TAX1BP1: variants seen among roughly 807,000 people sequenced by gnomAD.
The protein encoded by TAX1BP1 is Tax1 binding protein 1.
In TAX1BP1, 62 loss-of-function variants were observed where a neutral mutation model predicts 97.7. The observed-to-expected ratio is 0.63, with a 90% CI of 0.52 to 0.78. TAX1BP1 has a LOEUF of 0.78. Ranked by LOEUF, TAX1BP1 falls within the 30% of genes least tolerant of loss-of-function variation. TAX1BP1 has a pLI of 0.00. For missense variants in TAX1BP1, 867 were observed against 916.1 expected (o/e 0.95, Z 0.69); for synonymous variants, 340 against 304.2 (o/e 1.12, Z -1.23).
chr7:27,799,965 G>C lies in TAX1BP1; in HGVS notation c.1639G>C (p.Asp547His). Reference protein sequence around the residue: ...KYNKCKQLLQDEKAKCNKYAD... With the variant: ...KYNKCKQLLQHEKAKCNKYAD... ...TGGTAATTATACTAATTTCATTTAGGATGAGAAAGCAAAATGCAATAAATA... is the reference window on the plus strand; with the variant it reads ...TGGTAATTATACTAATTTCATTTAGCATGAGAAAGCAAAATGCAATAAATA... Residue 547 changes from aspartate to histidine, a missense_variant and splice_region_variant, in exon 13 of 17, where the codon GAT becomes CAT. By Grantham distance (81) the Asp-to-His change is moderately conservative (BLOSUM62 -1). Transcript: ENST00000396319. 1.3e-6 allele frequency: 2 copies of C among 1,590,314 alleles called. No homozygotes were observed. Among genetic ancestry groups the C allele is most frequent in the South Asian group, 1.2e-5 (1 of 85,962 alleles).
At chr7:27,805,042 C>T (rs6462051) in intron 13 of TAX1BP1, among the ~76,000 whole-genome samples, 30,540 of 152,038 alleles carry the variant, frequency 0.2, 3,205 homozygotes, top group Admixed American at 0.26. Context: ...TTCCTAGAAG[C>T]GTGATTGCTG....
At chr7:27,766,266 A>G (rs964493053) in intron 4 of TAX1BP1, among the ~76,000 whole-genome samples, 4 of 151,896 alleles carry the variant, frequency 2.6e-5, no homozygotes, top group Admixed American at 1.3e-4. Flanking sequence ...TAAGAATACA[A>G]AAAATTAGAC....
chr7:27,809,145 AGTG>A (rs34063335), intron 13 of TAX1BP1, among the ~76,000 whole-genome samples: 12,517 of 152,248 alleles, frequency 0.082, 654 homozygotes, highest in South Asian at 0.12. Flanking sequence ...GTAATTTTGA[AGTG>A]GTGATCAATA....
intron 5 of TAX1BP1, among the ~76,000 whole-genome samples, chr7:27,782,341 A>G (rs1789292933): frequency 1.3e-5 from 2 of 151,962 alleles, no homozygotes; most frequent in South Asian, 2.1e-4. Flanking sequence ...TGTTCAAGCA[A>G]TTCTCCTGCT....
rs1452947430 is a variant in TAX1BP1, at chr7:27,787,593, C to T, written c.1028C>T (p.Thr343Ile). ...CTGCAAAGAACTTTCCTGCTTACAA[C>T]CTCAAGTAAAGTAAGTACTTTTGCT... The part of the protein sequence containing the change: ...ENLQRTFLLT[T>I]SSKEDTCFLK... The change falls in exon 8 of 17, where the codon ACC becomes ATC. Residue 343 changes from threonine to isoleucine, a missense_variant. Coordinates refer to ENST00000396319, the MANE Select transcript of TAX1BP1 (RefSeq NM_006024.7). 4 of 1,606,908 alleles carry T rather than the reference C, an allele frequency of 2.5e-6. No homozygotes were observed. Among genetic ancestry groups the T allele is most frequent in the Non-Finnish European group, 2.5e-6 (3 of 1,177,382 alleles).
At chr7:27,779,801 C>T (rs1789184260) in intron 5 of TAX1BP1, among the ~76,000 whole-genome samples, 1 of 152,144 alleles carries the variant, frequency 6.6e-6, no homozygotes, top group South Asian at 2.1e-4. Flanking sequence ...CCTTTTATAT[C>T]ATTCCACTGC....
At chr7:27,825,920 A>G (rs1170012603) in intron 15 of TAX1BP1, among the ~76,000 whole-genome samples, 1 of 152,162 alleles carries the variant, frequency 6.6e-6, no homozygotes, top group East Asian at 1.9e-4. Flanking sequence ...GCCCCATTTT[A>G]TCTTTTCCAA....
chr7:27,790,360 A>C (rs1490914723), intron 8 of TAX1BP1, among the ~76,000 whole-genome samples: 3 of 151,980 alleles, frequency 2.0e-5, no homozygotes, highest in Non-Finnish European at 4.4e-5. Context: ...TCCTTATAGC[A>C]ATATGTAGGC....
Position 27,792,071 on chromosome 7 carries a change from A to G in TAX1BP1, c.1104A>G (p.Gln368=). 6.2e-7 allele frequency: 1 copy of G among 1,614,166 alleles called. No homozygotes were observed. Among genetic ancestry groups the G allele is most frequent in the Non-Finnish European group, 8.5e-7 (1 of 1,180,036 alleles). Residue 368 remains glutamine (Q), a synonymous_variant, in exon 9 of 17, where the codon CAA becomes CAG. Transcript: ENST00000396319. ...KAEEQVQATR[Q]EVVFLAKELS... is the part of the protein sequence containing the mutation. ...AGGAACAGGTTCAGGCAACTCGGCA[A>G]GAAGTTGTCTTTCTGGCTAAAGAAC...
chr7:27,793,160 T>G lies in TAX1BP1; in HGVS notation c.1358T>G (p.Phe453Cys). 3.8e-6 allele frequency: 6 copies of G among 1,595,576 alleles called. No homozygotes were observed. Among genetic ancestry groups the G allele is most frequent in the Non-Finnish European group, 5.1e-6 (6 of 1,175,966 alleles). ...GCTGCAGACCATTATAAAGAAAAAT[T>G]TAAGGAATGCCAAAGGCTCCAAAAA... ...QMAADHYKEK[F>C]KECQRLQKQI... The change falls in exon 10 of 17, where the codon TTT becomes TGT. Residue 453 changes from phenylalanine (F) to cysteine (C), a missense_variant. Coordinates refer to ENST00000396319, the MANE Select transcript of TAX1BP1 (RefSeq NM_006024.7).
intron 1 of TAX1BP1, among the ~76,000 whole-genome samples, chr7:27,741,558 T>C (rs1359912043): frequency 6.6e-6 from 1 of 151,166 alleles, no homozygotes; most frequent in Non-Finnish European, 1.5e-5. Context: ...TGGAGTGCAG[T>C]GGCGCGATCG....
intron 5 of TAX1BP1, among the ~76,000 whole-genome samples, chr7:27,781,311 C>T (rs1191719850): frequency 1.3e-5 from 2 of 152,122 alleles, no homozygotes; most frequent in African/African-American, 4.8e-5. Flanking sequence ...AGATGATTTC[C>T]TCTTTGTGCA....
chr7:27,781,252 A>G (rs1453519524), intron 5 of TAX1BP1, among the ~76,000 whole-genome samples: 1 of 152,206 alleles, frequency 6.6e-6, no homozygotes, highest in African/African-American at 2.4e-5. Flanking sequence ...TTTTTACTAT[A>G]GTCATGCACC....
Position 27,769,757 on chromosome 7 carries a change from C to A in TAX1BP1, c.535C>A (p.Arg179=). The change falls in exon 5 of 17, where the codon CGA becomes AGA. Residue 179 remains arginine (R), a synonymous_variant. Transcript: ENST00000396319. ...TCTGGAAAAAGAAACAGCACAACTTCGAGAACAAGTTGGGAGAATGGAAAG... is the reference window on the plus strand; with the variant it reads ...TCTGGAAAAAGAAACAGCACAACTTAGAGAACAAGTTGGGAGAATGGAAAG... ...AVLEKETAQL[R]EQVGRMEREL... The A allele has an allele frequency of 6.2e-7, 1 of 1,612,302 alleles. No individual in the cohort carries two copies. The highest frequency in any genetic ancestry group is 8.5e-7 in the Non-Finnish European group (1 of 1,178,908).
At chr7:27,788,262 A>T (rs962955990) in intron 8 of TAX1BP1, among the ~76,000 whole-genome samples, 3 of 152,054 alleles carry the variant, frequency 2.0e-5, no homozygotes, top group Non-Finnish European at 2.9e-5. Flanking sequence ...TCATATCAAA[A>T]GTTATATAAT....
intron 3 of TAX1BP1, among the ~76,000 whole-genome samples, chr7:27,763,858 G>T (rs377083510): frequency 8.3e-4 from 126 of 152,170 alleles, no homozygotes; most frequent in African/African-American, 2.9e-3. Context: ...CTATATATTT[G>T]TTTTCTAGTT....
intron 2 of TAX1BP1, among the ~76,000 whole-genome samples, chr7:27,750,431 C>A (rs1787979246): frequency 1.3e-5 from 2 of 152,150 alleles, no homozygotes; most frequent in Admixed American, 1.3e-4. Context: ...CAAAGCACTT[C>A]TGGTCTCAAG....
intron 15 of TAX1BP1, 62 bp from the exon 16 acceptor site, chr7:27,827,671 GATTGA>G (rs1467398290): frequency 9.0e-6 from 12 of 1,335,846 alleles, no homozygotes; most frequent in Admixed American, 5.3e-5. Context: ...GTATGTGCTT[GATTGA>G]ATTAAGGAAT....
rs1335497444 is a variant in TAX1BP1, at chr7:27,829,071, CTTTA to C, written c.*249_*252del. The stretch of plus-strand genomic sequence containing the variant: ...AAAAAAAGTTCTTGTGTGTTCGTAT[CTTTA>C]TTTATTCCCTAGTTTGCAGAACTGT... On this transcript the variant is annotated 3_prime_UTR_variant, in exon 17 of 17. Coordinates refer to ENST00000396319, the MANE Select transcript of TAX1BP1 (RefSeq NM_006024.7). The C allele has an allele frequency of 2.9e-5, 11 of 380,402 alleles. No individual in the cohort carries two copies. The South Asian group carries it at 3.1e-4, about 11-fold the overall frequency. 23.6% of individuals were successfully genotyped at this position (380,402 alleles called of 1,614,324 possible). A position where few individuals can be genotyped will look rare whatever the true frequency, so the allele number is the denominator to read the frequency against.
Sources: allele counts gnomAD v4.1 joint callset (sites outside exome capture counted in the v4.1 genomes callset), GRCh38; gene constraint gnomAD v4.1.1; transcripts MANE v1.5; gene names NCBI Gene and HGNC (gene_info 2026-07-23, HGNC 2026-07-21).